Variants in SLC24A3 observed in about 807,000 individuals in gnomAD.
The protein encoded by SLC24A3 is sodium/potassium/calcium exchanger 3.
In SLC24A3, 28 loss-of-function variants were observed where a neutral mutation model predicts 75.8. The observed-to-expected ratio is 0.37, with a 90% CI of 0.27 to 0.51. The LOEUF (loss-of-function observed/expected upper bound fraction) is 0.51. Among genes scored for constraint, SLC24A3 ranks in the 20% least tolerant of loss-of-function variants. The pLI, the probability that SLC24A3 is intolerant of heterozygous loss-of-function variation, is 0.94. For synonymous variants in SLC24A3, 372 were observed against 334.1 expected, an observed-to-expected ratio of 1.11 and a Z score of -1.24; for missense variants, 663 against 847.8, an observed-to-expected ratio of 0.78 and a Z score of 2.71.
chr20:19,432,211 AG>A (rs1987115705), intron 2 of SLC24A3, among the ~76,000 whole-genome samples: 1 of 151,070 alleles, frequency 6.6e-6, no homozygotes, highest in African/African-American at 2.4e-5. Context: ...GGTATCCTAG[AG>A]GAGCAGATAG....
Position 19,370,671 on chromosome 20 carries a change from G to C in SLC24A3, c.271+89584G>C, listed in dbSNP as rs540303117. Among the ~76,000 whole-genome samples, 4 of 152,312 alleles carry C rather than the reference G, an allele frequency of 2.6e-5. No individual in the cohort carries two copies. The East Asian group carries it at 7.7e-4, about 29-fold the overall frequency. On this transcript the variant is annotated intron_variant, in intron 2 of 16. Transcript: ENST00000328041. ...AGCTTCTAAACACTGTAATCCCTCT[G>C]CCTCCAAATCAGGTAGAGTAAAAAT...
In SLC24A3 at chr20:19,504,014, G is replaced by A. The variant is rs148694956; in HGVS notation, c.272-11474G>A. On this transcript the variant is annotated intron_variant, in intron 2 of 16. Transcript: ENST00000328041. ...AAGCTTCAGTATAGGGAAATAAGGA[G>A]CGCACATGTCCCTGTTCCTATTCCC... Among the ~76,000 whole-genome samples, 343 of 152,282 alleles carry A rather than the reference G, an allele frequency of 2.3e-3. 1 individual carries two copies. Among genetic ancestry groups the A allele is most frequent in the African/African-American group, 7.8e-3 (326 of 41,556 alleles).
intron 1 of SLC24A3, among the ~76,000 whole-genome samples, chr20:19,271,497 A>G (rs545215867): frequency 2.0e-5 from 3 of 152,358 alleles, no homozygotes; most frequent in South Asian, 4.1e-4. Flanking sequence ...GAATCCACCC[A>G]GAGGAAAAGA....
intron 2 of SLC24A3, among the ~76,000 whole-genome samples, chr20:19,428,399 T>C (rs1462013723): frequency 6.6e-6 from 1 of 152,206 alleles, no homozygotes; most frequent in Non-Finnish European, 1.5e-5. Flanking sequence ...CTGAGGGACT[T>C]CTCAAAAATA....
At chr20:19,705,900 G>T (rs956730299) in intron 15 of SLC24A3, among the ~76,000 whole-genome samples, 6 of 152,164 alleles carry the variant, frequency 3.9e-5, no homozygotes, top group African/African-American at 1.4e-4. Flanking sequence ...CCCAAAATAA[G>T]AAATCTTTCT....
At chr20:19,304,065 T>A (rs1431865863) in intron 2 of SLC24A3, among the ~76,000 whole-genome samples, 1 of 152,170 alleles carries the variant, frequency 6.6e-6, no homozygotes, top group African/African-American at 2.4e-5. Context: ...TTGGTTAGCA[T>A]CCTTCTTTAA....
intron 6 of SLC24A3, among the ~76,000 whole-genome samples, chr20:19,650,830 G>T (rs1035315351): frequency 1.3e-5 from 2 of 151,992 alleles, no homozygotes; most frequent in Middle Eastern, 3.2e-3. Context: ...TTTATTGTTT[G>T]CTTGCTTAGT....
chr20:19,626,120 C>T (rs1368688661), intron 6 of SLC24A3, among the ~76,000 whole-genome samples: 2 of 152,164 alleles, frequency 1.3e-5, no homozygotes, highest in East Asian at 1.9e-4. Context: ...CATTAATTTT[C>T]AACTTACAGT....
At chr20:19,572,314 C>T (rs2031065352) in intron 3 of SLC24A3, among the ~76,000 whole-genome samples, 1 of 152,128 alleles carries the variant, frequency 6.6e-6, no homozygotes, top group Admixed American at 6.5e-5. Flanking sequence ...CCACTGAACT[C>T]CAGTCTGGGC....
In SLC24A3 at chr20:19,523,734, T is replaced by A. The variant is rs182937122; in HGVS notation, c.348+8170T>A. Reference sequence around the variant, plus strand: ...GCCTTCTTGAGCCTCAGTTTCCTCATCTGTCACAGCACCCACCTCATCAGG... The same window carrying A: ...GCCTTCTTGAGCCTCAGTTTCCTCAACTGTCACAGCACCCACCTCATCAGG... On this transcript the variant is annotated intron_variant, in intron 3 of 16. Transcript: ENST00000328041. Among the ~76,000 whole-genome samples, 96 of 152,330 alleles carry A rather than the reference T, an allele frequency of 6.3e-4. 1 individual carries two copies. The highest frequency in any genetic ancestry group is 8.8e-5 in the Non-Finnish European group (6 of 68,036).
chr20:19,681,618 C>T (rs2032615947), intron 9 of SLC24A3, among the ~76,000 whole-genome samples: 2 of 152,164 alleles, frequency 1.3e-5, no homozygotes, highest in South Asian at 4.1e-4. Context: ...TGCCCATGTG[C>T]TCTGGTTTAT....
intron 6 of SLC24A3, among the ~76,000 whole-genome samples, chr20:19,598,768 T>C (rs1252875310): frequency 6.6e-6 from 1 of 152,074 alleles, no homozygotes; most frequent in Non-Finnish European, 1.5e-5. Flanking sequence ...ACAGTAAACT[T>C]TACTTTTTCC....
chr20:19,471,714 G>C (rs1244664051), intron 2 of SLC24A3, among the ~76,000 whole-genome samples: 6 of 152,166 alleles, frequency 3.9e-5, no homozygotes, highest in African/African-American at 7.2e-5. Flanking sequence ...AAAAGAAAGT[G>C]TGTAGTAGAT....
At chr20:19,223,491 T>G (rs936576001) in intron 1 of SLC24A3, among the ~76,000 whole-genome samples, 4 of 152,136 alleles carry the variant, frequency 2.6e-5, no homozygotes, top group African/African-American at 9.7e-5. Context: ...TTTCAAGACC[T>G]CCCAGTGAAT....
intron 2 of SLC24A3, among the ~76,000 whole-genome samples, chr20:19,285,019 C>A (rs1413720765): frequency 6.6e-6 from 1 of 152,164 alleles, no homozygotes; most frequent in Admixed American, 6.5e-5. Context: ...TTCCTCTACT[C>A]CCTCTCCCCT....
chr20:19,473,541 C>T (rs1987910246), intron 2 of SLC24A3, among the ~76,000 whole-genome samples: 1 of 152,208 alleles, frequency 6.6e-6, no homozygotes, highest in Non-Finnish European at 1.5e-5. Flanking sequence ...CATCCTACAA[C>T]AATCTGTGAC....
intron 1 of SLC24A3, among the ~76,000 whole-genome samples, chr20:19,230,308 G>A (rs1047769958): frequency 6.6e-6 from 1 of 152,146 alleles, no homozygotes; most frequent in African/African-American, 2.4e-5. Context: ...CAGTGTTGAT[G>A]TTGACTTTTC....
chr20:19,336,403 A>AT (rs1467152657), intron 2 of SLC24A3, among the ~76,000 whole-genome samples: 1 of 147,398 alleles, frequency 6.8e-6, no homozygotes, highest in African/African-American at 2.5e-5. Flanking sequence ...TTATTTATTT[A>AT]TTTATTTTTT....
At chr20:19,584,211 A>G (rs977203128) in intron 4 of SLC24A3, among the ~76,000 whole-genome samples, 2 of 152,188 alleles carry the variant, frequency 1.3e-5, no homozygotes, top group Non-Finnish European at 1.5e-5. Flanking sequence ...AAACAGAGTA[A>G]CCTGGAGAGC....
Sources: allele counts gnomAD v4.1 joint callset (sites outside exome capture counted in the v4.1 genomes callset), GRCh38; gene constraint gnomAD v4.1.1; transcripts MANE v1.5; gene names NCBI Gene and HGNC (gene_info 2026-07-23, HGNC 2026-07-21).